The following COL16A1 variants were observed in gnomAD, a reference collection of about 807,000 sequenced individuals.
The protein encoded by COL16A1 is collagen type XVI alpha 1 chain.
A neutral mutation model predicts 266.3 loss-of-function variants in COL16A1; 189 were observed. The ratio of observed to expected loss-of-function variants is 0.71; its 90% CI spans 0.63 to 0.80. COL16A1 has a LOEUF of 0.80. COL16A1 is among the 30% of genes least tolerant of loss of function. COL16A1 has a pLI of 0.00. For synonymous variants in COL16A1, 740 were observed against 782.3 expected (o/e 0.95, Z 0.90); for missense variants, 1,928 against 2,122.4 (o/e 0.91, Z 1.80).
Position 31,656,190 on chromosome 1 carries a change from G to T in COL16A1, c.4101+210C>A. The T allele has an allele frequency of 1.4e-6, 1 of 731,068 alleles. No individual in the cohort carries two copies. The allele number at this position is 731,068 out of a possible 1,614,324, so 45.3% of individuals were successfully genotyped here. A position where few individuals can be genotyped will look rare whatever the true frequency, so the allele number is the denominator to read the frequency against. ...AATGAATCAATCAGTCAATCAGTGA[G>T]TAAATGAACTGGAGATTTCCTTCCC... is the stretch of plus-strand genomic sequence containing the variant. On this transcript the variant is annotated intron_variant, in intron 66 of 70. Transcript: ENST00000373672. This position sits in a 1 kb window ranked among gnomAD's most constrained non-coding sequence, Gnocchi z 4.2.
In COL16A1 at chr1:31,696,064, TCCTC is replaced by T; in HGVS notation, c.918+20_918+23del. 1 of 1,595,634 alleles carries T rather than the reference TCCTC, an allele frequency of 6.3e-7. No individual in the cohort carries two copies. Among genetic ancestry groups the T allele is most frequent in the Non-Finnish European group, 8.6e-7 (1 of 1,164,286 alleles). The stretch of plus-strand genomic sequence containing the variant: ...GAGGGCAGACTGAGGGCAGGTAGGC[TCCTC>T]CCCCCACCCCCACCTCTACCTTTGC... On this transcript the variant is annotated intron_variant, in intron 9 of 70. Coordinates refer to ENST00000373672, the MANE Select transcript of COL16A1 (RefSeq NM_001856.4).
chr1:31,676,854 C>T (rs1250590988), intron 42 of COL16A1, among the ~76,000 whole-genome samples: 1 of 152,226 alleles, frequency 6.6e-6, no homozygotes, highest in Non-Finnish European at 1.5e-5. Flanking sequence ...CCTCCCTGCA[C>T]AGGATTTCCT....
intron 37 of COL16A1, 118 bp from the exon 38 acceptor site, chr1:31,681,185 G>C (rs1643616025): frequency 7.2e-7 from 1 of 1,379,732 alleles, no homozygotes; most frequent in South Asian, 1.5e-5. Context: ...CTGGAGCCCA[G>C]GGCCGAGGGC....
At chr1:31,677,908 C>T (rs1442419774) in intron 42 of COL16A1, among the ~76,000 whole-genome samples, 2 of 152,198 alleles carry the variant, frequency 1.3e-5, no homozygotes, top group East Asian at 3.9e-4. Context: ...TACACTACAT[C>T]AGCTCTCGCT....
chr1:31,694,071 A>T, intron 12 of COL16A1, 73 bp downstream of exon 12: 1 of 1,423,718 alleles, frequency 7.0e-7, no homozygotes, highest in South Asian at 1.2e-5. Flanking sequence ...ACACAGCCAC[A>T]GGGTCACATG....
chr1:31,668,202 G>C lies in COL16A1; in HGVS notation c.3266C>G (p.Pro1089Arg). 6.2e-7 allele frequency: 1 copy of C among 1,613,294 alleles called. No individual in the cohort carries two copies. The highest frequency in any genetic ancestry group is 8.5e-7 in the Non-Finnish European group (1 of 1,179,584). The change falls in exon 51 of 71, where the codon CCA becomes CGA. Residue 1089 changes from proline to arginine, a missense_variant. By Grantham distance (103) the Pro-to-Arg change is moderately radical. Around this residue, in one of 2 missense-constraint regions of COL16A1, gnomAD observed 1,552 missense variants for 1,637.2 expected, o/e 0.95. Transcript: ENST00000373672. This position sits in a 1 kb window ranked among gnomAD's most constrained non-coding sequence, Gnocchi z 5.8. ...DKGEPGPPGQ[P>R]GYPGATGPPG... is the part of the protein sequence containing the mutation. ...GGGGCCCGTGGCACCTGGGTAACCT[G>C]GTTGCCCTGGAGGACCCTGCAAAGA...
rs1642611449 is a variant in COL16A1, at chr1:31,670,826, C to G, written c.3151-180G>C. On this transcript the variant is annotated intron_variant, in intron 48 of 70. Transcript: ENST00000373672. The surrounding 1 kb of genome is among the most constrained non-coding windows in gnomAD (Gnocchi z 4.5). ...AAAAGACAACTGTTCCTCCCCTTGG[C>G]TCCAGGAAGAATGGCTCCTCCGTTG... Among the ~76,000 whole-genome samples the G allele has an allele frequency of 6.6e-6, 1 of 152,234 alleles. No individual in the cohort carries two copies. Among genetic ancestry groups the G allele is most frequent in the Non-Finnish European group, 1.5e-5 (1 of 68,048 alleles).
rs1339952393 is a variant in COL16A1, at chr1:31,688,324, C to A, written c.1803+143G>T. On this transcript the variant is annotated intron_variant, in intron 26 of 70. Transcript: ENST00000373672. This position sits in a 1 kb window ranked among gnomAD's most constrained non-coding sequence, Gnocchi z 4.9. ...AAATAAATTCTTTGACTCAAGTCTG[C>A]AAAACACTAGTAAATTAATTTCACT... 1 of 945,070 alleles carries A rather than the reference C, an allele frequency of 1.1e-6. No individual in the cohort carries two copies. The highest frequency in any genetic ancestry group is 2.4e-5 in the East Asian group (1 of 41,486). 58.5% of individuals were successfully genotyped at this position (945,070 alleles called of 1,614,324 possible).
chr1:31,670,339 G>C lies in COL16A1; in HGVS notation c.3195+263C>G, dbSNP rs1642543460. ...CAAGATGGTGCGAGAAATGGAGAAG[G>C]AAGACAGAACGGGGTAAGAGAGAGA... On this transcript the variant is annotated intron_variant, in intron 49 of 70. Transcript: ENST00000373672. The surrounding 1 kb of genome is among the most constrained non-coding windows in gnomAD (Gnocchi z 4.5). The C allele has an allele frequency of 9.9e-6, 4 of 403,660 alleles. No individual in the cohort carries two copies. The East Asian group carries it at 1.5e-4, about 15-fold the overall frequency. 25.0% of individuals were successfully genotyped at this position (403,660 alleles called of 1,614,324 possible).
intron 42 of COL16A1, among the ~76,000 whole-genome samples, chr1:31,678,564 G>A (rs745469937): frequency 6.6e-6 from 1 of 152,162 alleles, no homozygotes; most frequent in Non-Finnish European, 1.5e-5. Flanking sequence ...TCCTTTTGGG[G>A]CTTTTATGTA....
chr1:31,689,211 G>T lies in COL16A1; in HGVS notation c.1621-126C>A, dbSNP rs567802366. On this transcript the variant is annotated intron_variant, in intron 23 of 70. Transcript: ENST00000373672. ...TCCAAACACCTAGGGGTCCCATGGG[G>T]TCCAAGGCCAGCACCCCAGAGGCAG... The T allele has an allele frequency of 1.7e-5, 25 of 1,480,252 alleles. No individual in the cohort carries two copies. The African/African-American group carries it at 2.1e-4, about 12-fold the overall frequency. 91.7% of individuals were successfully genotyped at this position (1,480,252 alleles called of 1,614,324 possible). A position where few individuals can be genotyped will look rare whatever the true frequency, so the allele number is the denominator to read the frequency against.
At position 31,672,303 on chromosome 1, in the gene COL16A1, G is replaced by A. The variant is rs1306887167; in HGVS notation, c.3105+113C>T. 1.2e-5 allele frequency: 15 copies of A among 1,221,924 alleles called. No homozygotes were observed. The Admixed American group carries it at 1.5e-4, about 12-fold the overall frequency. 75.7% of individuals were successfully genotyped at this position (1,221,924 alleles called of 1,614,324 possible). On this transcript the variant is annotated intron_variant, in intron 47 of 70. Transcript: ENST00000373672. The stretch of plus-strand genomic sequence containing the variant: ...AGCCACGTGCCAGGAGAGCAGATGA[G>A]CCCAGAGTGGTAAAGGGCATCAGTC...
At chr1:31,674,697 G>A (rs1237947464) in intron 44 of COL16A1, among the ~76,000 whole-genome samples, 6 of 152,210 alleles carry the variant, frequency 3.9e-5, no homozygotes, top group Admixed American at 3.3e-4. Context: ...TCTGCCGCAG[G>A]GTGACCCGGG....
chr1:31,667,211 C>T (rs1260704508), intron 52 of COL16A1, among the ~76,000 whole-genome samples: 1 of 152,232 alleles, frequency 6.6e-6, no homozygotes, highest in Non-Finnish European at 1.5e-5. Flanking sequence ...TCTGGGGGCC[C>T]CAGTGTCCTC....
intron 52 of COL16A1, 80 bp from the exon 53 acceptor site, chr1:31,666,161 C>T (rs1289803723): frequency 6.9e-6 from 10 of 1,439,498 alleles, no homozygotes; most frequent in Non-Finnish European, 9.5e-6. Context: ...CAGGGGACTG[C>T]CCAGAACAGA....
intron 37 of COL16A1, among the ~76,000 whole-genome samples, chr1:31,681,463 G>A (rs1643637660): frequency 6.6e-6 from 1 of 152,224 alleles, no homozygotes; most frequent in African/African-American, 2.4e-5. Context: ...TTTAGTGCTT[G>A]ATACACTTTC....
chr1:31,683,445 A>T (rs1201395036), intron 34 of COL16A1, 76 bp from the exon 35 acceptor site: 2 of 1,610,384 alleles, frequency 1.2e-6, no homozygotes, highest in East Asian at 2.2e-5. Context: ...GCACCGGCAG[A>T]CCTGGTCTGG....
rs1474182 is a variant in COL16A1 at position 31,670,797 on chromosome 1, G to A, written c.3151-151C>T. 292,643 of 562,478 alleles carry A rather than the reference G, an allele frequency of 0.52. 81,367 individuals are homozygous for A. The highest frequency in any genetic ancestry group is 0.6 in the South Asian group (9,340 of 15,576). The allele number at this position is 562,478 out of a possible 1,614,324, so 34.8% of individuals were successfully genotyped here. On this transcript the variant is annotated intron_variant, in intron 48 of 70. Coordinates refer to ENST00000373672, the MANE Select transcript of COL16A1 (RefSeq NM_001856.4). The surrounding 1 kb of genome is among the most constrained non-coding windows in gnomAD (Gnocchi z 4.5). ...GAAAAGAGACTCCTTGAAAGTCTTG[G>A]CTCAAAAGACAACTGTTCCTCCCCT... is the stretch of plus-strand genomic sequence containing the variant.
chr1:31,697,392 G>A lies in COL16A1; in HGVS notation c.658-92C>T, dbSNP rs1001219927. The A allele has an allele frequency of 1.6e-6, 2 of 1,273,976 alleles. No homozygotes were observed. The highest frequency in any genetic ancestry group is 3.0e-5 in the African/African-American group (2 of 67,512). 78.9% of individuals were successfully genotyped at this position (1,273,976 alleles called of 1,614,324 possible). A position where few individuals can be genotyped will look rare whatever the true frequency, so the allele number is the denominator to read the frequency against. On this transcript the variant is annotated intron_variant, in intron 6 of 70. Transcript: ENST00000373672. The surrounding 1 kb of genome is among the most constrained non-coding windows in gnomAD (Gnocchi z 4.2). ...GAGGCACAGAGATGTCTCTGCCCCAGGATGTGACCTCAGGGTGTTTCCAGT... is the reference window on the plus strand; with the variant it reads ...GAGGCACAGAGATGTCTCTGCCCCAAGATGTGACCTCAGGGTGTTTCCAGT...
Sources: gnomAD v4.1 joint callset for allele counts (sites outside exome capture counted in the v4.1 genomes callset) on GRCh38, gnomAD v4.1.1 for gene constraint, gnomAD v4.1.1 regional missense constraint, Gnocchi (gnomAD v3.1) non-coding constraint, MANE v1.5 for transcripts, NCBI Gene and HGNC (gene_info 2026-07-23, HGNC 2026-07-21) for gene names.